COL9A1: variants seen among roughly 807,000 people sequenced by gnomAD.
COL9A1 encodes collagen type IX alpha 1 chain, also known as collagen alpha-1(IX) chain.
In COL9A1, 104 loss-of-function variants were observed where a neutral mutation model predicts 142.6. That is an observed-to-expected ratio of 0.73 (90% CI 0.62 to 0.86). The LOEUF (loss-of-function observed/expected upper bound fraction) is 0.86, where lower values mean the gene tolerates loss of function less well. COL9A1 is among the 40% of genes least tolerant of loss of function. COL9A1 has a pLI of 0.00. For missense variants in COL9A1, 1,210 were observed against 1,176.6 expected (o/e 1.03, Z -0.42); for synonymous variants, 466 against 396.0 (o/e 1.18, Z -2.10).
At chr6:70,274,627 C>G in intron 11 of COL9A1, 92 bp downstream of exon 11, 2 of 1,049,828 alleles carry the variant, frequency 1.9e-6, no homozygotes, top group Non-Finnish European at 2.9e-6. Context: ...TTAGATACTT[C>G]ATAACTTAAT....
intron 10 of COL9A1, among the ~76,000 whole-genome samples, chr6:70,275,416 G>T (rs550362074): frequency 1.1e-4 from 17 of 152,054 alleles, no homozygotes; most frequent in Admixed American, 7.2e-4. Context: ...AGTAAAAATA[G>T]CTGTGATTAA....
intron 1 of COL9A1, 108 bp downstream of exon 1, chr6:70,302,803 T>G: frequency 1.6e-6 from 2 of 1,222,792 alleles, no homozygotes; most frequent in Non-Finnish European, 2.4e-6. Context: ...TCTCTCACCT[T>G]GAGGCTCACC....
rs748617445 is a variant in COL9A1 at position 70,260,688 on chromosome 6, A to G, written c.1418T>C (p.Ile473Thr). ...GPPGAQGLRG[I>T]TGIVGDKGEK... The stretch of plus-strand genomic sequence containing the variant: ...CCCTTTGTCCCCAACTATGCCGGTG[A>G]TGCCTCGCAAACCCTGGGCTCCCTG... Residue 473 changes from isoleucine to threonine, a missense_variant, in exon 20 of 38, where the codon ATC (isoleucine) becomes ACC (threonine). Coordinates refer to ENST00000357250, the MANE Select transcript of COL9A1 (RefSeq NM_001851.6). 8.1e-6 allele frequency: 13 copies of G among 1,613,968 alleles called. No homozygotes were observed. The South Asian group carries it at 1.2e-4, about 15-fold the overall frequency.
At chr6:70,289,937 A>G (rs1305039318) in intron 5 of COL9A1, among the ~76,000 whole-genome samples, 5 of 152,178 alleles carry the variant, frequency 3.3e-5, no homozygotes, top group Non-Finnish European at 5.9e-5. Flanking sequence ...AGAAAAGTAC[A>G]TATAGCTTTT....
intron 5 of COL9A1, among the ~76,000 whole-genome samples, chr6:70,284,359 A>G (rs1029889367): frequency 6.6e-6 from 1 of 152,232 alleles, no homozygotes; most frequent in East Asian, 1.9e-4. Flanking sequence ...TGGAGAAGAT[A>G]TTCTCCGTGG....
At chr6:70,235,723 C>CT (rs11299171) in intron 33 of COL9A1, among the ~76,000 whole-genome samples, 3 of 150,350 alleles carry the variant, frequency 2.0e-5, no homozygotes, top group South Asian at 2.1e-4. Flanking sequence ...GCCCTTACAA[C>CT]TTTTTTTTTT....
intron 32 of COL9A1, 61 bp downstream of exon 32, chr6:70,240,618 GTATATATATA>G: frequency 1.0e-6 from 1 of 982,842 alleles, no homozygotes; most frequent in Non-Finnish European, 1.6e-6. Flanking sequence ...TGTGTTAGAA[GTATATATATA>G]TACTTCTAAC....
chr6:70,253,435 A>G lies in COL9A1; in HGVS notation c.1720-6T>C, dbSNP rs1175744648. On this transcript the variant is annotated splice_polypyrimidine_tract_variant and splice_region_variant and intron_variant, in intron 25 of 37. Transcript: ENST00000357250. ...CCAGGAATTCCAGGTACACCCTAAA[A>G]GAATACATACACAATCCTAGTTTAA... 6.2e-7 allele frequency: 1 copy of G among 1,602,308 alleles called. No homozygotes were observed. The highest frequency in any genetic ancestry group is 1.3e-5 in the African/African-American group (1 of 74,606).
chr6:70,283,059 C>T (rs1468627703), intron 6 of COL9A1, 141 bp from the exon 7 acceptor site: 1 of 1,550,206 alleles, frequency 6.5e-7, no homozygotes, highest in East Asian at 2.4e-5. Context: ...CCATGCCCGC[C>T]GCCCGCCGCT....
intron 19 of COL9A1, 81 bp downstream of exon 19, chr6:70,263,163 T>C: frequency 8.4e-7 from 1 of 1,191,398 alleles, no homozygotes; most frequent in South Asian, 1.4e-5. Flanking sequence ...ATCCAACTGC[T>C]AAATAGAAAA....
intron 32 of COL9A1, 93 bp downstream of exon 32, chr6:70,240,595 AC>A: frequency 6.0e-6 from 4 of 665,112 alleles, no homozygotes; most frequent in Non-Finnish European, 1.0e-5. Context: ...ATATATATAT[AC>A]CAATTTTGAA....
intron 5 of COL9A1, among the ~76,000 whole-genome samples, chr6:70,289,937 A>T (rs1305039318): frequency 6.6e-6 from 1 of 152,178 alleles, no homozygotes; most frequent in Non-Finnish European, 1.5e-5. Context: ...AGAAAAGTAC[A>T]TATAGCTTTT....
At chr6:70,259,606 A>G (rs1235045723) in intron 20 of COL9A1, among the ~76,000 whole-genome samples, 1 of 152,082 alleles carries the variant, frequency 6.6e-6, no homozygotes, top group Non-Finnish European at 1.5e-5. Flanking sequence ...TCCAGGCTCC[A>G]CATCCTTCTA....
intron 12 of COL9A1, among the ~76,000 whole-genome samples, chr6:70,273,551 A>G (rs1772541700): frequency 6.6e-6 from 1 of 152,176 alleles, no homozygotes; most frequent in Non-Finnish European, 1.5e-5. Flanking sequence ...TGGTCCTCAT[A>G]TATACAAATA....
chr6:70,240,723 CCA>C lies in COL9A1; in HGVS notation c.2043_2044del (p.Gly682Ter). The C allele has an allele frequency of 6.2e-7, 1 of 1,612,698 alleles. No individual in the cohort carries two copies. Among genetic ancestry groups the C allele is most frequent in the South Asian group, 1.1e-5 (1 of 91,004 alleles). ...CCTTTCTCCTGCTTCACCTTCTTCA[CCA>C]GAGGCACCCTAAAAATTAAGATAAA... On this transcript the variant is annotated frameshift_variant, in exon 32 of 38. Coordinates refer to ENST00000357250, the MANE Select transcript of COL9A1 (RefSeq NM_001851.6). LOFTEE classifies it high-confidence loss of function.
intron 10 of COL9A1, chr6:70,279,736 A>C (rs1773015074): frequency 2.6e-6 from 1 of 377,754 alleles, no homozygotes; most frequent in South Asian, 9.9e-5. Flanking sequence ...CATTATGGGA[A>C]TCCCGACAAA....
chr6:70,256,705 C>G, intron 21 of COL9A1, 63 bp downstream of exon 21: 1 of 1,352,334 alleles, frequency 7.4e-7, no homozygotes, highest in South Asian at 1.2e-5. Context: ...ACTGCACACA[C>G]ATGCATACAT....
At chr6:70,302,225 T>A (rs963779902) in intron 1 of COL9A1, 151 bp from the exon 2 acceptor site, 5 of 600,250 alleles carry the variant, frequency 8.3e-6, no homozygotes, top group Non-Finnish European at 1.4e-5. Flanking sequence ...TTTTTTTTTT[T>A]TTGAGACGGA....
chr6:70,220,389 G>GGTGTGTGTGT (rs58525634), intron 37 of COL9A1, among the ~76,000 whole-genome samples: 5 of 148,598 alleles, frequency 3.4e-5, no homozygotes, highest in African/African-American at 1.3e-4. Context: ...GGTGTGGCAG[G>GGTGTGTGTGT]GTGTGTGTGT....
Sources: gnomAD v4.1 joint callset for allele counts (sites outside exome capture counted in the v4.1 genomes callset) on GRCh38, gnomAD v4.1.1 for gene constraint, MANE v1.5 for transcripts, NCBI Gene and HGNC (gene_info 2026-07-23, HGNC 2026-07-21) for gene names.